The following CRAMP1 variants were observed in gnomAD, a reference collection of about 807,000 sequenced individuals.
The protein encoded by CRAMP1 is cramped chromatin regulator 1, also known as protein cramped-like.
A neutral mutation model predicts 115.4 loss-of-function variants in CRAMP1; 50 were observed. The ratio of observed to expected loss-of-function variants is 0.43; its 90% CI spans 0.35 to 0.55. The LOEUF is 0.55. Ranked by LOEUF, CRAMP1 falls within the 20% of genes least tolerant of loss-of-function variation. The pLI, the probability that CRAMP1 is intolerant of heterozygous loss-of-function variation, is 0.01. For synonymous variants in CRAMP1, 866 were observed against 745.4 expected (o/e 1.16, Z -2.64); for missense variants, 1,679 against 1,721.7 (o/e 0.98, Z 0.44).
Position 1,625,966 on chromosome 16 carries a change from C to G in CRAMP1, c.347-7C>G. 1 of 1,551,538 alleles carries G rather than the reference C, an allele frequency of 6.4e-7. No individual in the cohort carries two copies. Among genetic ancestry groups the G allele is most frequent in the Non-Finnish European group, 8.7e-7 (1 of 1,146,942 alleles). On this transcript the variant is annotated splice_polypyrimidine_tract_variant and splice_region_variant and intron_variant, in intron 2 of 20. Coordinates refer to ENST00000397412, the MANE Select transcript of CRAMP1 (RefSeq NM_020825.4). ...AACAGATCACTGTACGGTGCTTTCT[C>G]TCCAAGGAGCTGAAGGTGGTGGATC...
At position 1,615,459 on chromosome 16, in the gene CRAMP1, C is replaced by T. The variant is rs150968243; in HGVS notation, c.346+474C>T. On this transcript the variant is annotated intron_variant, in intron 2 of 20. Coordinates refer to ENST00000397412, the MANE Select transcript of CRAMP1 (RefSeq NM_020825.4). ...GGATCCTTGGGGTCTGACTTGGACC[C>T]ATTGTCCTCTCCTTCAAGTGCTCCT... is the stretch of plus-strand genomic sequence containing the variant. 1.4e-4 allele frequency among the ~76,000 whole-genome samples: 21 copies of T among 152,244 alleles called. 1 individual carries two copies. In the East Asian group the frequency reaches 4.1e-3, roughly 29 times the overall value.
At chr16:1,632,621 T>C (rs1033662553) in intron 4 of CRAMP1, among the ~76,000 whole-genome samples, 1 of 152,250 alleles carries the variant, frequency 6.6e-6, no homozygotes, top group East Asian at 1.9e-4. Flanking sequence ...GGTTTGTGTG[T>C]TTCCAGTGGC....
At chr16:1,649,785 A>AT (rs35942594) in intron 6 of CRAMP1, among the ~76,000 whole-genome samples, 1,578 of 65,706 alleles carry the variant, frequency 0.024, 18 homozygotes, top group Non-Finnish European at 0.03. Context: ...ATGAGCCACT[A>AT]TTTTTTTTTT....
In CRAMP1 at chr16:1,655,912, A is replaced by G; in HGVS notation, c.1155A>G (p.Ser385=). 6.2e-7 allele frequency: 1 copy of G among 1,612,314 alleles called. No individual in the cohort carries two copies. The highest frequency in any genetic ancestry group is 8.5e-7 in the Non-Finnish European group (1 of 1,179,274). Residue 385 remains serine, a synonymous_variant, in exon 10 of 21, where the codon TCA becomes TCG. Coordinates refer to ENST00000397412, the MANE Select transcript of CRAMP1 (RefSeq NM_020825.4). ...TCGAGGAGCGGCAGCTGCAGGACTC[A>G]TGCTCCGCACCGATGCAGGAGAAGG... ...KTLEERQLQD[S]CSAPMQEKVT... is the part of the protein sequence containing the mutation.
intron 2 of CRAMP1, among the ~76,000 whole-genome samples, chr16:1,619,875 C>T (rs1371336618): frequency 1.3e-5 from 2 of 152,156 alleles, no homozygotes; most frequent in Non-Finnish European, 2.9e-5. Flanking sequence ...AGTCTGGCGA[C>T]CCTGACCAGG....
intron 2 of CRAMP1, among the ~76,000 whole-genome samples, chr16:1,615,482 C>G (rs1167726756): frequency 6.6e-6 from 1 of 152,052 alleles, no homozygotes; most frequent in Non-Finnish European, 1.5e-5. Flanking sequence ...TTCAAGTGCT[C>G]CTGGGTTGAG....
chr16:1,660,389 C>A (rs1411281503), intron 11 of CRAMP1, among the ~76,000 whole-genome samples: 1 of 152,144 alleles, frequency 6.6e-6, no homozygotes, highest in Non-Finnish European at 1.5e-5. Context: ...GGTTCAAAGT[C>A]CCTGAGAAGG....
intron 5 of CRAMP1, among the ~76,000 whole-genome samples, chr16:1,639,186 G>T (rs2036612449): frequency 1.3e-5 from 2 of 152,024 alleles, no homozygotes; most frequent in African/African-American, 4.8e-5. Flanking sequence ...GCTTGTTCTG[G>T]TTTCCTCCCT....
At chr16:1,649,742 G>A (rs1484375856) in intron 6 of CRAMP1, among the ~76,000 whole-genome samples, 1 of 150,224 alleles carries the variant, frequency 6.7e-6, no homozygotes, top group Non-Finnish European at 1.5e-5. Flanking sequence ...GCCTGCCTCG[G>A]CCTCCCAAAG....
rs2036394704 is a variant in CRAMP1, at chr16:1,614,260, C to G, written c.-1-379C>G. Among the ~76,000 whole-genome samples, 1 of 146,940 alleles carries G rather than the reference C, an allele frequency of 6.8e-6. No homozygotes were observed. The highest frequency in any genetic ancestry group is 2.1e-4 in the South Asian group (1 of 4,828). On this transcript the variant is annotated intron_variant, in intron 1 of 20. Coordinates refer to ENST00000397412, the MANE Select transcript of CRAMP1 (RefSeq NM_020825.4). This position sits in a 1 kb window ranked among gnomAD's most constrained non-coding sequence, Gnocchi z 4.4. Reference sequence around the variant, plus strand: ...GGTGGCTGTGGGCGGGGCAGCGGCCCGGACCCGCAACCGTGCCCAGACCCG... The same window carrying G: ...GGTGGCTGTGGGCGGGGCAGCGGCCGGGACCCGCAACCGTGCCCAGACCCG...
intron 6 of CRAMP1, among the ~76,000 whole-genome samples, chr16:1,649,767 C>G (rs1182700574): frequency 6.9e-6 from 1 of 145,522 alleles, no homozygotes; most frequent in Admixed American, 7.0e-5. Context: ...GAGCCTACAA[C>G]AGTAGGCATG....
At chr16:1,632,402 A>G (rs375432578) in intron 4 of CRAMP1, 37 bp downstream of exon 4, 4 of 1,552,030 alleles carry the variant, frequency 2.6e-6, no homozygotes, top group Non-Finnish European at 2.6e-6. Context: ...GGGTGCCCAC[A>G]GGCAGGGCCG....
intron 2 of CRAMP1, among the ~76,000 whole-genome samples, chr16:1,624,197 G>T (rs1232662969): frequency 6.6e-6 from 1 of 150,460 alleles, no homozygotes; most frequent in Non-Finnish European, 1.5e-5. Context: ...CTGTTGCCCA[G>T]ACTGGTGTGC....
At position 1,634,239 on chromosome 16, in the gene CRAMP1, C is replaced by G. The variant is rs538985191; in HGVS notation, c.694+1874C>G. Among the ~76,000 whole-genome samples the G allele has an allele frequency of 8.2e-4, 125 of 152,290 alleles. 3 individuals are homozygous for G. In the South Asian group the frequency reaches 0.024, roughly 29 times the overall value. On this transcript the variant is annotated intron_variant, in intron 4 of 20. Transcript: ENST00000397412. ...CATCTGCGGGCAGGGTGGGAAGCGT[C>G]TTTGGACCCTCAGGCTCCTGGCGTA...
In CRAMP1 at chr16:1,659,915, C is replaced by T; in HGVS notation, c.2265C>T (p.Ala755=). ...LALEANTIST[A]SVRPAQEEQS... is the part of the protein sequence containing the mutation. Reference sequence around the variant, plus strand: ...TGGAAGCAAACACCATCTCTACAGCCTCAGTAAGGCCCGCCCAGGAGGAGC... The same window carrying T: ...TGGAAGCAAACACCATCTCTACAGCTTCAGTAAGGCCCGCCCAGGAGGAGC... The change falls in exon 11 of 21, where the codon GCC becomes GCT. Residue 755 remains alanine (A), a synonymous_variant. Transcript: ENST00000397412. 6.2e-7 allele frequency: 1 copy of T among 1,613,242 alleles called. No homozygotes were observed. Among genetic ancestry groups the T allele is most frequent in the Admixed American group, 1.7e-5 (1 of 60,018 alleles).
chr16:1,666,509 C>T lies in CRAMP1; in HGVS notation c.2945C>T (p.Ser982Phe). 6.2e-7 allele frequency: 1 copy of T among 1,613,988 alleles called. No homozygotes were observed. Among genetic ancestry groups the T allele is most frequent in the Non-Finnish European group, 8.5e-7 (1 of 1,179,862 alleles). Residue 982 changes from serine (S) to phenylalanine (F), a missense_variant, in exon 16 of 21, where the codon TCT (serine) becomes TTT (phenylalanine). Around this residue, in one of 8 missense-constraint regions of CRAMP1, gnomAD observed 709 missense variants for 741.9 expected, o/e 0.96. Transcript: ENST00000397412. The surrounding 1 kb of genome is among the most constrained non-coding windows in gnomAD (Gnocchi z 5.0). Reference sequence around the variant, plus strand: ...GACACCGAGGGCTTGTCTGGCATCTCTCCACTGTCTTCAGACGAGGTGACG... The same window carrying T: ...GACACCGAGGGCTTGTCTGGCATCTTTCCACTGTCTTCAGACGAGGTGACG... ...ALDTEGLSGISPLSSDEVTGA... is the reference protein window; with the variant it reads ...ALDTEGLSGIFPLSSDEVTGA...
chr16:1,667,143 G>A (rs1284286879), intron 16 of CRAMP1, among the ~76,000 whole-genome samples, 192 bp from the exon 17 acceptor site: 1 of 152,232 alleles, frequency 6.6e-6, no homozygotes, highest in Non-Finnish European at 1.5e-5. Flanking sequence ...CAAAAAATTG[G>A]AAGTACACGG....
Position 1,666,269 on chromosome 16 carries a change from CATA to C in CRAMP1, c.2857+95_2857+97del. The C allele has an allele frequency of 8.5e-7, 1 of 1,170,316 alleles. No individual in the cohort carries two copies. Among genetic ancestry groups the C allele is most frequent in the Admixed American group, 2.0e-5 (1 of 49,346 alleles). 72.5% of individuals were successfully genotyped at this position (1,170,316 alleles called of 1,614,324 possible). On this transcript the variant is annotated intron_variant, in intron 15 of 20. Coordinates refer to ENST00000397412, the MANE Select transcript of CRAMP1 (RefSeq NM_020825.4). The surrounding 1 kb of genome is among the most constrained non-coding windows in gnomAD (Gnocchi z 5.0). ...TTTTTGAATGTTTTCTTCTCCAAAT[CATA>C]ATGTCTCATTACCCTTCACCAAGAA... is the stretch of plus-strand genomic sequence containing the variant.
At position 1,674,233 on chromosome 16, in the gene CRAMP1, T is replaced by A; in HGVS notation, c.*188T>A. 3.2e-6 allele frequency: 2 copies of A among 615,668 alleles called. No individual in the cohort carries two copies. The highest frequency in any genetic ancestry group is 5.7e-6 in the Non-Finnish European group (2 of 352,894). The allele number at this position is 615,668 out of a possible 1,614,324, so 38.1% of individuals were successfully genotyped here. ...GGCGTCCAAGGAGACTAGGATGAGT[T>A]CTTGGCAAGGGCCAGCGTTAGAAAT... On this transcript the variant is annotated 3_prime_UTR_variant, in exon 21 of 21. Transcript: ENST00000397412.
Sources: allele counts gnomAD v4.1 joint callset (sites outside exome capture counted in the v4.1 genomes callset), GRCh38; gene constraint gnomAD v4.1.1; regional missense constraint gnomAD v4.1.1; non-coding constraint Gnocchi (gnomAD v3.1); transcripts MANE v1.5; gene names NCBI Gene and HGNC (gene_info 2026-07-23, HGNC 2026-07-21).